C12orf54: variants seen among roughly 807,000 people sequenced by gnomAD.
The protein encoded by C12orf54 is chromosome 12 open reading frame 54.
C12orf54 carries 24 observed loss-of-function variants against 26.4 expected under a neutral mutation model. The ratio of observed to expected loss-of-function variants is 0.91; its 90% CI spans 0.66 to 1.28. The LOEUF is 1.28. Ranked by LOEUF, C12orf54 falls within the 50% of genes most tolerant of loss-of-function variation. The pLI, the probability that C12orf54 is intolerant of heterozygous loss-of-function variation, is 0.00. For synonymous variants in C12orf54, 54 were observed against 47.0 expected (o/e 1.15, Z -0.61); for missense variants, 154 against 150.9 (o/e 1.02, Z -0.11).
the C12orf54 span, among the ~76,000 whole-genome samples, chr12:48,414,879 AT>A: frequency 2.6e-5 from 4 of 152,138 alleles, no homozygotes; most frequent in African/African-American, 9.7e-5. Context: ...GATCTTCACT[AT>A]ACACCTGCAT....
At chr12:48,421,512 CTT>C in the C12orf54 span, among the ~76,000 whole-genome samples, 52 of 43,472 alleles carry the variant, frequency 1.2e-3, no homozygotes, top group East Asian at 4.2e-3. Context: ...ATATCATGTG[CTT>C]TTTTTTTTTT....
chr12:48,484,344 T>C (rs2137085686), intron 2 of C12orf54, among the ~76,000 whole-genome samples: 1 of 152,326 alleles, frequency 6.6e-6, no homozygotes, highest in Non-Finnish European at 1.5e-5. Context: ...ATCTGCTCTA[T>C]CTAAGAGTAT....
the C12orf54 span, among the ~76,000 whole-genome samples, chr12:48,443,478 G>A: frequency 3.3e-5 from 5 of 152,150 alleles, no homozygotes; most frequent in Non-Finnish European, 7.3e-5. Context: ...GGTCAGTCAT[G>A]GAAAGTGAAA....
chr12:48,473,679 G>A, the C12orf54 span: 4 of 241,446 alleles, frequency 1.7e-5, no homozygotes, highest in South Asian at 5.6e-5. Flanking sequence ...AAATGCAATA[G>A]TTAAGTACAC....
the C12orf54 span, among the ~76,000 whole-genome samples, chr12:48,424,352 A>G: frequency 6.6e-6 from 1 of 152,138 alleles, no homozygotes; most frequent in Admixed American, 6.6e-5. Flanking sequence ...AGTCCCAAGA[A>G]GTGAATTAGG....
rs751997999 is a variant in C12orf54 at position 48,494,948 on chromosome 12, T to C, written c.*9T>C. On this transcript the variant is annotated 3_prime_UTR_variant, in exon 8 of 9. Transcript: ENST00000548364. ...ACTACCCTGGACCCTAACTCTACAA[T>C]CAAGGAAGAAGGACATCTCTGCTTC... 1.2e-6 allele frequency: 2 copies of C among 1,612,108 alleles called. No individual in the cohort carries two copies. Among genetic ancestry groups the C allele is most frequent in the Non-Finnish European group, 1.7e-6 (2 of 1,178,432 alleles).
the C12orf54 span, among the ~76,000 whole-genome samples, chr12:48,420,621 A>G: frequency 1.3e-5 from 2 of 152,192 alleles, no homozygotes; most frequent in Non-Finnish European, 2.9e-5. Flanking sequence ...CCCAACTTAG[A>G]TGCCAATTTG....
chr12:48,468,318 G>C, the C12orf54 span, among the ~76,000 whole-genome samples: 1 of 152,114 alleles, frequency 6.6e-6, no homozygotes, highest in African/African-American at 2.4e-5. Context: ...CACACCGGAG[G>C]GAAAGGAAGC....
At chr12:48,475,374 A>C in the C12orf54 span, among the ~76,000 whole-genome samples, 1 of 152,238 alleles carries the variant, frequency 6.6e-6, no homozygotes, top group African/African-American at 2.4e-5. Context: ...CCTCACCAGC[A>C]ACAGAACAAA....
the C12orf54 span, among the ~76,000 whole-genome samples, chr12:48,429,346 G>A: frequency 6.6e-6 from 1 of 151,988 alleles, no homozygotes; most frequent in Admixed American, 6.6e-5. Context: ...AGAAATAAAG[G>A]GCATCCAAAT....
At chr12:48,478,082 G>C (rs775025793), upstream of C12orf54, among the ~76,000 whole-genome samples, 6 of 152,154 alleles carry the variant, frequency 3.9e-5, no homozygotes, top group Non-Finnish European at 7.3e-5. Flanking sequence ...GGGATGCAAG[G>C]CTGGTTCAAC....
the C12orf54 span, among the ~76,000 whole-genome samples, chr12:48,458,598 AT>A: frequency 3.9e-5 from 6 of 152,118 alleles, no homozygotes; most frequent in Admixed American, 3.9e-4. Flanking sequence ...TTTATTCCCA[AT>A]TTGTATCTTA....
chr12:48,464,672 C>T, the C12orf54 span, among the ~76,000 whole-genome samples: 5 of 152,122 alleles, frequency 3.3e-5, no homozygotes, highest in African/African-American at 1.2e-4. Flanking sequence ...TTGAACTATA[C>T]TACAGGACTA....
At chr12:48,447,319 T>A in the C12orf54 span, among the ~76,000 whole-genome samples, 1 of 152,108 alleles carries the variant, frequency 6.6e-6, no homozygotes, top group East Asian at 1.9e-4. Flanking sequence ...TACCTTGATC[T>A]TGGACTTCCC....
At chr12:48,460,213 G>A in the C12orf54 span, among the ~76,000 whole-genome samples, 2 of 151,958 alleles carry the variant, frequency 1.3e-5, no homozygotes, top group African/African-American at 4.8e-5. Flanking sequence ...TGATTTTGGG[G>A]GTCATACAGC....
the C12orf54 span, among the ~76,000 whole-genome samples, chr12:48,474,296 C>T: frequency 6.6e-6 from 1 of 152,200 alleles, no homozygotes; most frequent in Non-Finnish European, 1.5e-5. Flanking sequence ...CAGCTCTGGT[C>T]TACAGCTCCC....
At chr12:48,446,268 G>A in the C12orf54 span, among the ~76,000 whole-genome samples, 438 of 152,240 alleles carry the variant, frequency 2.9e-3, 2 homozygotes, top group African/African-American at 9.9e-3. Flanking sequence ...AAAGCTCCAG[G>A]AAGTAAAGAC....
the C12orf54 span, among the ~76,000 whole-genome samples, chr12:48,466,252 T>C: frequency 6.6e-6 from 1 of 152,152 alleles, no homozygotes; most frequent in Non-Finnish European, 1.5e-5. Flanking sequence ...ATCAAAGATA[T>C]ATGGCTTGGG....
At chr12:48,472,703 C>A in the C12orf54 span, 1 of 1,614,160 alleles carries the variant, frequency 6.2e-7, no homozygotes, top group Non-Finnish European at 8.5e-7. Flanking sequence ...AGCTGCGGAA[C>A]AGGACGCCCT....
Sources: allele counts gnomAD v4.1 joint callset (sites outside exome capture counted in the v4.1 genomes callset), GRCh38; gene constraint gnomAD v4.1.1; transcripts MANE v1.5; gene names NCBI Gene and HGNC (gene_info 2026-07-23, HGNC 2026-07-21).